Variants in ALG9 observed in about 807,000 individuals in gnomAD.
ALG9 encodes alpha-1,2-mannosyltransferase ALG9.
ALG9 carries 55 observed loss-of-function variants against 81.8 expected under a neutral mutation model. The ratio of observed to expected loss-of-function variants is 0.67; its 90% CI spans 0.54 to 0.84. The LOEUF is 0.84. Ranked by LOEUF, ALG9 falls within the 40% of genes least tolerant of loss-of-function variation. The probability of loss-of-function intolerance (pLI) is 0.00; values close to 1 mark genes in which losing one functional copy is unlikely to be tolerated. For missense variants in ALG9, 629 were observed against 745.0 expected (o/e 0.84, Z 1.81); for synonymous variants, 278 against 274.3 (o/e 1.01, Z -0.13).
At chr11:111,811,577 G>C (rs767456162) in intron 13 of ALG9, among the ~76,000 whole-genome samples, 1 of 148,564 alleles carries the variant, frequency 6.7e-6, no homozygotes, top group Non-Finnish European at 1.5e-5. Context: ...GAATTTTATT[G>C]ACAAATGCCC....
At chr11:111,857,464 A>G (rs1248437688) in intron 6 of ALG9, 138 bp downstream of exon 6, 1 of 1,125,250 alleles carries the variant, frequency 8.9e-7, no homozygotes. Context: ...GCTAAGAGAA[A>G]TATTCTTCCA....
intron 14 of ALG9, among the ~76,000 whole-genome samples, chr11:111,794,144 C>A (rs991008855): frequency 6.6e-6 from 1 of 152,198 alleles, no homozygotes; most frequent in Non-Finnish European, 1.5e-5. Flanking sequence ...GAGGAGCATT[C>A]GGCGGTGGAG....
chr11:111,804,132 CAAAAAAA>C (rs140492079), intron 14 of ALG9, among the ~76,000 whole-genome samples: 1 of 85,372 alleles, frequency 1.2e-5, no homozygotes, highest in African/African-American at 4.8e-5. Flanking sequence ...GACTCCATCT[CAAAAAAA>C]AAAAAAAAAA....
intron 14 of ALG9, among the ~76,000 whole-genome samples, chr11:111,795,045 T>C (rs1198197818): frequency 2.6e-5 from 4 of 152,144 alleles, no homozygotes; most frequent in Admixed American, 2.6e-4. Flanking sequence ...AATGCAAAGG[T>C]GACTTACAAC....
chr11:111,796,762 C>A (rs556168368), intron 14 of ALG9, among the ~76,000 whole-genome samples: 1 of 152,274 alleles, frequency 6.6e-6, no homozygotes, highest in South Asian at 2.1e-4. Flanking sequence ...CTGATCTCTT[C>A]TTCCTGTTTC....
chr11:111,853,029 TCTC>T (rs1459026606), intron 8 of ALG9, among the ~76,000 whole-genome samples: 2 of 151,468 alleles, frequency 1.3e-5, no homozygotes, highest in African/African-American at 4.9e-5. Context: ...TTCATTTCCT[TCTC>T]CTATCATACT....
downstream of ALG9, among the ~76,000 whole-genome samples, chr11:111,779,042 G>A (rs573070906): frequency 1.3e-5 from 2 of 152,152 alleles, no homozygotes; most frequent in Middle Eastern, 3.4e-3. Flanking sequence ...TCGAACTCCC[G>A]ACCTCAGGTG....
chr11:111,814,396 AGG>A (rs1951178106), intron 13 of ALG9, among the ~76,000 whole-genome samples: 1 of 152,164 alleles, frequency 6.6e-6, no homozygotes, highest in South Asian at 2.1e-4. Context: ...GGGTGTGGGT[AGG>A]TGATCAAAAG....
At chr11:111,831,136 G>C (rs1162971314) in intron 13 of ALG9, among the ~76,000 whole-genome samples, 1 of 152,138 alleles carries the variant, frequency 6.6e-6, no homozygotes, top group Non-Finnish European at 1.5e-5. Flanking sequence ...CGCCTCCTGG[G>C]TTCAAGTGAT....
chr11:111,809,542 T>C, intron 14 of ALG9, 101 bp downstream of exon 14: 1 of 1,231,260 alleles, frequency 8.1e-7, no homozygotes, highest in African/African-American at 1.6e-5. Flanking sequence ...ACACACACGA[T>C]GGCTACTAGA....
rs1165957342 is a variant in ALG9 at position 111,782,995 on chromosome 11, A to G, written c.*3402T>C. 2 of 152,192 alleles carry G rather than the reference A, an allele frequency of 1.3e-5. No homozygotes were observed. The highest frequency in any genetic ancestry group is 4.8e-5 in the African/African-American group (2 of 41,440). 9.4% of individuals were successfully genotyped at this position (152,192 alleles called of 1,614,324 possible). ...TATCAGATGACACCTACCAGGTAGG[A>G]GGTAAATTTTGGTAGCAGATGCCTA... On this transcript the variant is annotated 3_prime_UTR_variant, in exon 15 of 15. Transcript: ENST00000616540.
At chr11:111,805,656 G>A (rs1392417892) in intron 14 of ALG9, among the ~76,000 whole-genome samples, 4 of 152,210 alleles carry the variant, frequency 2.6e-5, no homozygotes, top group East Asian at 3.8e-4. Flanking sequence ...GAATGTAGTG[G>A]GGGAGAATAG....
At chr11:111,836,112 C>A (rs1955205698) in intron 13 of ALG9, 53 bp downstream of exon 13, 3 of 1,611,046 alleles carry the variant, frequency 1.9e-6, no homozygotes, top group South Asian at 1.1e-5. Flanking sequence ...CACCAACAGA[C>A]TTTTAGGCAT....
chr11:111,861,148 T>A (rs1243108216), intron 4 of ALG9, among the ~76,000 whole-genome samples: 2 of 152,252 alleles, frequency 1.3e-5, no homozygotes, highest in African/African-American at 4.8e-5. Context: ...AGGAGATAGA[T>A]GAAAATGTGA....
At chr11:111,771,701 T>C in the ALG9 span, among the ~76,000 whole-genome samples, 1 of 152,208 alleles carries the variant, frequency 6.6e-6, no homozygotes, top group African/African-American at 2.4e-5. Flanking sequence ...CTGTCTTCAT[T>C]TGGCAAGATG....
At chr11:111,808,292 T>G (rs782187775) in intron 14 of ALG9, among the ~76,000 whole-genome samples, 1 of 152,136 alleles carries the variant, frequency 6.6e-6, no homozygotes, top group Non-Finnish European at 1.5e-5. Flanking sequence ...TTGCCAGTTA[T>G]AATTACCTAT....
intron 3 of ALG9, among the ~76,000 whole-genome samples, chr11:111,868,054 C>T (rs1963062174): frequency 6.6e-6 from 1 of 152,112 alleles, no homozygotes; most frequent in Non-Finnish European, 1.5e-5. Flanking sequence ...GGAAACCGGA[C>T]AGGGCTGAAA....
chr11:111,840,425 G>A (rs1022356781), intron 10 of ALG9, among the ~76,000 whole-genome samples: 30 of 152,234 alleles, frequency 2.0e-4, no homozygotes, highest in Middle Eastern at 6.8e-3. Context: ...TGGTAACAGA[G>A]GCAAAGTAAC....
chr11:111,797,261 TA>T (rs1184433397), intron 14 of ALG9, among the ~76,000 whole-genome samples: 1 of 152,282 alleles, frequency 6.6e-6, no homozygotes, highest in African/African-American at 2.4e-5. Flanking sequence ...GGCTAGGTCA[TA>T]AAAAATTATG....
Sources: gnomAD v4.1 joint callset for allele counts (sites outside exome capture counted in the v4.1 genomes callset) on GRCh38, gnomAD v4.1.1 for gene constraint, MANE v1.5 for transcripts, NCBI Gene and HGNC (gene_info 2026-07-23, HGNC 2026-07-21) for gene names.